The following KDM6A variants were observed in gnomAD, a reference collection of about 807,000 sequenced individuals.
KDM6A encodes the protein lysine-specific demethylase 6A.
A neutral mutation model predicts 117.6 loss-of-function variants in KDM6A; 11 were observed. That is an observed-to-expected ratio of 0.09 (90% CI 0.06 to 0.15). The LOEUF is 0.15. Ranked by LOEUF, KDM6A falls within the 10% of genes least tolerant of loss-of-function variation. The probability of loss-of-function intolerance (pLI) is 1.00; values close to 1 mark genes in which losing one functional copy is unlikely to be tolerated. For missense variants in KDM6A, 799 were observed against 1,077.3 expected (o/e 0.74, Z 3.62); for synonymous variants, 384 against 396.1 (o/e 0.97, Z 0.36).
At chrX:45,078,174 CCTA>C (rs1375281683) in intron 19 of KDM6A, among the ~76,000 whole-genome samples, 4 of 111,895 alleles carry the variant, frequency 3.6e-5, no homozygotes, top group Admixed American at 9.5e-5. Context: ...TTTCATTTCT[CCTA>C]CATATTTTTG....
intron 2 of KDM6A, among the ~76,000 whole-genome samples, chrX:44,953,560 C>G (rs765504361): frequency 8.9e-6 from 1 of 111,880 alleles, no homozygotes; most frequent in African/African-American, 3.2e-5. Flanking sequence ...ATGATATAAT[C>G]TCTTTTTTCT....
Position 45,078,449 on chromosome X carries a change from C to T in KDM6A, c.3038C>T (p.Thr1013Ile), listed in dbSNP as rs1274809282. Residue 1013 changes from threonine to isoleucine, a missense_variant, in exon 20 of 30, where the codon ACA becomes ATA. Thr to Ile is a moderately conservative substitution (Grantham distance 89). Around this residue, in one of 8 missense-constraint regions of KDM6A, gnomAD observed 291 missense variants for 437.9 expected, o/e 0.66. Transcript: ENST00000611820. ...AFFPPLHQFC[T>I]NPNNPVTVIR... ...TTTCCTCCATTACATCAATTTTGTA[C>T]AAATCCGAACAACCCTGTTACAGTA... 2 of 1,208,085 alleles carry T rather than the reference C, an allele frequency of 1.7e-6. No homozygotes were observed. Among genetic ancestry groups the T allele is most frequent in the African/African-American group, 1.8e-5 (1 of 57,100 alleles).
chrX:44,958,518 G>T (rs1209942175), intron 2 of KDM6A, among the ~76,000 whole-genome samples: 1 of 107,070 alleles, frequency 9.3e-6, no homozygotes, highest in East Asian at 3.0e-4. Context: ...AATGATAGAG[G>T]TTAATTATGA....
chrX:44,918,951 A>C (rs922305212), intron 2 of KDM6A, among the ~76,000 whole-genome samples: 2 of 111,942 alleles, frequency 1.8e-5, no homozygotes, highest in African/African-American at 6.5e-5. Context: ...AACTCTTAAA[A>C]ATGTCAAAGA....
chrX:44,980,560 T>G (rs1416653817), intron 4 of KDM6A, among the ~76,000 whole-genome samples: 1 of 105,153 alleles, frequency 9.5e-6, no homozygotes. Context: ...TTTACGTTTG[T>G]TTTTTTTTAT....
intron 8 of KDM6A, among the ~76,000 whole-genome samples, chrX:45,048,714 T>A (rs1014427119): frequency 7.4e-5 from 8 of 108,327 alleles, no homozygotes; most frequent in Non-Finnish European, 1.3e-4. Flanking sequence ...GCCGTTTCCT[T>A]CCTTTAAGTG....
intron 2 of KDM6A, among the ~76,000 whole-genome samples, chrX:44,926,730 G>C (rs2036324331): frequency 9.0e-6 from 1 of 111,483 alleles, no homozygotes; most frequent in South Asian, 3.7e-4. Flanking sequence ...AGAGACATTT[G>C]ATAAATATTC....
chrX:45,016,085 T>C (rs775068886), intron 5 of KDM6A, among the ~76,000 whole-genome samples: 26 of 111,815 alleles, frequency 2.3e-4, no homozygotes, highest in South Asian at 1.1e-3. Context: ...AGCCTACTGC[T>C]CCCCTAAATA....
intron 2 of KDM6A, among the ~76,000 whole-genome samples, chrX:44,922,007 G>A (rs763745799): frequency 1.6e-5 from 1 of 63,858 alleles, no homozygotes; most frequent in South Asian, 1.1e-3. Context: ...AGTGTATGCT[G>A]ATAAAATTCA....
At chrX:44,946,893 G>C (rs986726474) in intron 2 of KDM6A, among the ~76,000 whole-genome samples, 1 of 111,443 alleles carries the variant, frequency 9.0e-6, no homozygotes, top group East Asian at 2.8e-4. Context: ...CAGCTCTCTT[G>C]ATTTCTGTAT....
chrX:44,987,902 C>T (rs925373990), intron 4 of KDM6A, among the ~76,000 whole-genome samples: 7 of 110,564 alleles, frequency 6.3e-5, no homozygotes, highest in African/African-American at 9.9e-5. Context: ...TTGCTCTTCT[C>T]GAGGAGTATC....
intron 8 of KDM6A, among the ~76,000 whole-genome samples, chrX:45,041,799 C>A (rs1162071121): frequency 9.1e-6 from 1 of 110,369 alleles, no homozygotes; most frequent in Non-Finnish European, 1.9e-5. Flanking sequence ...CTCCTCATAT[C>A]CCAGACGATG....
chrX:45,103,642 G>A (rs2046412559), intron 27 of KDM6A, among the ~76,000 whole-genome samples: 1 of 112,029 alleles, frequency 8.9e-6, no homozygotes, highest in African/African-American at 3.2e-5. Flanking sequence ...TCTATTCCCT[G>A]TGTGAAGTTG....
intron 2 of KDM6A, among the ~76,000 whole-genome samples, chrX:44,890,904 A>G (rs1012868569): frequency 3.6e-5 from 4 of 110,042 alleles, no homozygotes; most frequent in Middle Eastern, 4.3e-3. Flanking sequence ...TCTGCTTTCC[A>G]AAGTGCTGGG....
intron 2 of KDM6A, among the ~76,000 whole-genome samples, chrX:44,889,606 G>A (rs2033173547): frequency 8.9e-6 from 1 of 111,847 alleles, no homozygotes; most frequent in South Asian, 3.7e-4. Flanking sequence ...CAGACATTCA[G>A]AGGATAACTT....
intron 10 of KDM6A, among the ~76,000 whole-genome samples, chrX:45,054,508 A>G (rs1161133206): frequency 8.9e-6 from 1 of 112,067 alleles, no homozygotes; most frequent in Non-Finnish European, 1.9e-5. Flanking sequence ...TCATGTAACA[A>G]AAATCATTTT....
chrX:45,076,191 G>A (rs1409268060), intron 18 of KDM6A, among the ~76,000 whole-genome samples: 1 of 111,201 alleles, frequency 9.0e-6, no homozygotes, highest in African/African-American at 3.3e-5. Context: ...TCAAGGAGTT[G>A]CATAGGAAAT....
At chrX:44,921,512 C>T (rs1473165886) in intron 2 of KDM6A, among the ~76,000 whole-genome samples, 1 of 111,507 alleles carries the variant, frequency 9.0e-6, no homozygotes, top group African/African-American at 3.3e-5. Context: ...CCACACCAAT[C>T]CCCACAATCA....
chrX:45,002,871 C>G (rs369807017), intron 4 of KDM6A, among the ~76,000 whole-genome samples: 6 of 75,551 alleles, frequency 7.9e-5, no homozygotes, highest in African/African-American at 1.5e-4. Context: ...GCCCCCCCCC[C>G]CCTTTTCATT....
Sources: gnomAD v4.1 joint callset for allele counts (sites outside exome capture counted in the v4.1 genomes callset) on GRCh38, gnomAD v4.1.1 for gene constraint, gnomAD v4.1.1 regional missense constraint, MANE v1.5 for transcripts, NCBI Gene and HGNC (gene_info 2026-07-23, HGNC 2026-07-21) for gene names.